The following PTPRD variants were observed in gnomAD, a reference collection of about 807,000 sequenced individuals.
PTPRD encodes protein tyrosine phosphatase receptor type D, also known as receptor-type tyrosine-protein phosphatase delta.
A neutral mutation model predicts 214.5 loss-of-function variants in PTPRD; 34 were observed. That is an observed-to-expected ratio of 0.16 (90% CI 0.12 to 0.21). The LOEUF (loss-of-function observed/expected upper bound fraction) is 0.21, where lower values mean the gene tolerates loss of function less well. Among genes scored for constraint, PTPRD ranks in the 10% least tolerant of loss-of-function variants. The pLI is 1.00. For missense variants in PTPRD, 2,545 were observed against 2,398.7 expected, an observed-to-expected ratio of 1.06 and a Z score of -1.27; for synonymous variants, 1,128 against 845.7, an observed-to-expected ratio of 1.33 and a Z score of -5.79.
chr9:10,175,585 T>C (rs2099243225), intron 3 of PTPRD, among the ~76,000 whole-genome samples: 1 of 152,080 alleles, frequency 6.6e-6, no homozygotes, highest in South Asian at 2.1e-4. Flanking sequence ...AACCTTGCAA[T>C]CCCTTAACAT....
intron 11 of PTPRD, among the ~76,000 whole-genome samples, chr9:8,795,946 A>AGT (rs1305899974): frequency 6.6e-6 from 1 of 152,228 alleles, no homozygotes; most frequent in Admixed American, 6.5e-5. Flanking sequence ...TACCTTGTAT[A>AGT]GTTACACTAT....
At chr9:10,370,231 T>C (rs1429667014) in intron 2 of PTPRD, among the ~76,000 whole-genome samples, 1 of 152,084 alleles carries the variant, frequency 6.6e-6, no homozygotes, top group Non-Finnish European at 1.5e-5. Flanking sequence ...GCCTCACTTA[T>C]CTTTTTCTTC....
intron 14 of PTPRD, among the ~76,000 whole-genome samples, chr9:8,538,214 G>A (rs2077422816): frequency 6.6e-6 from 1 of 151,752 alleles, no homozygotes; most frequent in African/African-American, 2.4e-5. Context: ...CCATCCAAAT[G>A]TTTACCTTAC....
At chr9:9,365,699 A>G (rs1262853189) in intron 9 of PTPRD, among the ~76,000 whole-genome samples, 1 of 151,488 alleles carries the variant, frequency 6.6e-6, no homozygotes, top group Non-Finnish European at 1.5e-5. Flanking sequence ...ACAGGTCAAG[A>G]AAAGATCAGC....
intron 7 of PTPRD, among the ~76,000 whole-genome samples, chr9:9,697,918 T>G (rs945495722): frequency 2.0e-5 from 3 of 152,180 alleles, no homozygotes; most frequent in African/African-American, 7.2e-5. Context: ...CTCTACTTGA[T>G]CCATTCTGCT....
chr9:10,321,276 G>C (rs555495732), intron 3 of PTPRD, among the ~76,000 whole-genome samples: 184 of 152,166 alleles, frequency 1.2e-3, no homozygotes, highest in African/African-American at 4.3e-3. Context: ...TGCAGAGTTA[G>C]CACTGCAGTC....
intron 12 of PTPRD, among the ~76,000 whole-genome samples, chr9:8,668,129 A>T (rs2154360830): frequency 6.6e-6 from 1 of 152,262 alleles, no homozygotes; most frequent in East Asian, 1.9e-4. Context: ...CTGGAAAGAA[A>T]TTCCAGTGGT....
chr9:9,524,413 C>T (rs1042908916), intron 8 of PTPRD, among the ~76,000 whole-genome samples: 7 of 152,120 alleles, frequency 4.6e-5, no homozygotes, highest in African/African-American at 1.4e-4. Flanking sequence ...TAAATATTCT[C>T]CTTAATTCCT....
At chr9:9,300,894 T>C (rs1955021336) in intron 9 of PTPRD, among the ~76,000 whole-genome samples, 1 of 151,906 alleles carries the variant, frequency 6.6e-6, no homozygotes, top group Non-Finnish European at 1.5e-5. Flanking sequence ...ACGCATATTG[T>C]TATTTATATC....
intron 3 of PTPRD, among the ~76,000 whole-genome samples, chr9:10,208,300 G>A (rs1194751277): frequency 1.3e-5 from 2 of 152,198 alleles, no homozygotes; most frequent in Admixed American, 6.5e-5. Context: ...GGATCACGAG[G>A]TCAGGAGATC....
chr9:8,938,101 C>A (rs771805766), intron 11 of PTPRD, among the ~76,000 whole-genome samples: 1 of 152,074 alleles, frequency 6.6e-6, no homozygotes, highest in African/African-American at 2.4e-5. Context: ...GCAAAAGGAA[C>A]TACTGTAGGC....
chr9:8,320,259 T>C (rs987351318), intron 44 of PTPRD, among the ~76,000 whole-genome samples: 1 of 152,082 alleles, frequency 6.6e-6, no homozygotes, highest in African/African-American at 2.4e-5. Context: ...AAAGAAAGGG[T>C]AAATAACATA....
At chr9:8,799,873 G>C (rs555221606) in intron 11 of PTPRD, among the ~76,000 whole-genome samples, 3 of 151,518 alleles carry the variant, frequency 2.0e-5, no homozygotes, top group African/African-American at 7.3e-5. Context: ...TTTCAAGTTG[G>C]TATGTGACTT....
Position 10,417,063 on chromosome 9 carries a change from T to C in PTPRD, c.-599-76046A>G, listed in dbSNP as rs148437749. On this transcript the variant is annotated intron_variant, in intron 2 of 45. Coordinates refer to ENST00000381196, the MANE Select transcript of PTPRD (RefSeq NM_002839.4). ...AGACAGTGGAATAATAAACTTATGT[T>C]AGTGAAGACAACAAACTGTGGGGTT... 8.6e-5 allele frequency among the ~76,000 whole-genome samples: 13 copies of C among 152,002 alleles called. No homozygotes were observed. The East Asian group carries it at 2.5e-3, about 30-fold the overall frequency.
chr9:9,865,315 T>G (rs74748522), intron 5 of PTPRD, among the ~76,000 whole-genome samples: 5,727 of 152,310 alleles, frequency 0.038, 312 homozygotes, highest in African/African-American at 0.12. Flanking sequence ...CTTTAAGAAA[T>G]GATTAAATAC....
At position 8,698,041 on chromosome 9, in the gene PTPRD, A is replaced by C. The variant is rs117982512; in HGVS notation, c.64+35739T>G. Among the ~76,000 whole-genome samples the C allele has an allele frequency of 1.6e-3, 245 of 152,302 alleles. 2 individuals are homozygous for C. In the Middle Eastern group the frequency reaches 0.017, roughly 11 times the overall value. On this transcript the variant is annotated intron_variant, in intron 12 of 45. Coordinates refer to ENST00000381196, the MANE Select transcript of PTPRD (RefSeq NM_002839.4). ...CTCTGCTATGATTATCACCATGTCC[A>C]CAGTAAGCATTCAGTATAAATTTGT...
At chr9:8,434,278 G>A (rs527567521) in intron 35 of PTPRD, among the ~76,000 whole-genome samples, 1 of 152,152 alleles carries the variant, frequency 6.6e-6, no homozygotes, top group Non-Finnish European at 1.5e-5. Flanking sequence ...ACTGCGCCCA[G>A]CCTAAAAATC....
intron 9 of PTPRD, among the ~76,000 whole-genome samples, chr9:9,246,940 C>G (rs1344098977): frequency 6.6e-6 from 1 of 152,046 alleles, no homozygotes; most frequent in Non-Finnish European, 1.5e-5. Context: ...GAAGCAACTT[C>G]AGAACCAAGG....
chr9:9,433,200 C>T (rs1225957170), intron 8 of PTPRD, among the ~76,000 whole-genome samples: 1 of 152,174 alleles, frequency 6.6e-6, no homozygotes, highest in Non-Finnish European at 1.5e-5. Context: ...CTCCTACCAA[C>T]ATGCTTTTTG....
Sources: gnomAD v4.1 joint callset for allele counts (sites outside exome capture counted in the v4.1 genomes callset) on GRCh38, gnomAD v4.1.1 for gene constraint, MANE v1.5 for transcripts, NCBI Gene and HGNC (gene_info 2026-07-23, HGNC 2026-07-21) for gene names.